NXPH1: variants seen among roughly 807,000 people sequenced by gnomAD.
The protein encoded by NXPH1 is neurexophilin-1.
Under a neutral mutation model 23.7 loss-of-function variants are expected in NXPH1, and 5 were observed. The ratio of observed to expected loss-of-function variants is 0.21; its 90% CI spans 0.11 to 0.44. NXPH1 has a LOEUF of 0.44. Among genes scored for constraint, NXPH1 ranks in the 20% least tolerant of loss-of-function variants. The probability of loss-of-function intolerance (pLI) is 0.99; values close to 1 mark genes in which losing one functional copy is unlikely to be tolerated. For missense variants in NXPH1, 324 were observed against 321.6 expected (o/e 1.01, Z -0.06); for synonymous variants, 144 against 122.2 (o/e 1.18, Z -1.18).
intron 2 of NXPH1, among the ~76,000 whole-genome samples, chr7:8,626,081 G>A (rs547869168): frequency 5.3e-5 from 8 of 152,084 alleles, no homozygotes; most frequent in Non-Finnish European, 1.5e-5. Context: ...TCATATGTTG[G>A]GAAGACCCAT....
chr7:8,725,271 C>T (rs1425906603), intron 2 of NXPH1, among the ~76,000 whole-genome samples: 1 of 152,154 alleles, frequency 6.6e-6, no homozygotes, highest in African/African-American at 2.4e-5. Context: ...AGGCAGATCA[C>T]TTGAGGCCAG....
At chr7:8,737,677 C>G (rs112045017) in intron 2 of NXPH1, among the ~76,000 whole-genome samples, 6,494 of 152,246 alleles carry the variant, frequency 0.043, 191 homozygotes, top group South Asian at 0.08. Flanking sequence ...GAATGTTGAC[C>G]TGTCTTGCTA....
chr7:8,436,170 C>T (rs1816189971), intron 2 of NXPH1, among the ~76,000 whole-genome samples: 1 of 152,050 alleles, frequency 6.6e-6, no homozygotes, highest in Non-Finnish European at 1.5e-5. Context: ...CAAATCTGCC[C>T]AGGTCTGTGA....
intron 2 of NXPH1, among the ~76,000 whole-genome samples, chr7:8,738,893 C>G (rs1429689684): frequency 4.6e-5 from 7 of 152,038 alleles, no homozygotes; most frequent in Non-Finnish European, 7.4e-5. Flanking sequence ...TTCACCCAAT[C>G]CGAACTTCCC....
At position 8,708,782 on chromosome 7, in the gene NXPH1, A is replaced by G. The variant is rs545984380; in HGVS notation, c.55-42226A>G. 1.3e-4 allele frequency among the ~76,000 whole-genome samples: 20 copies of G among 152,312 alleles called. No individual in the cohort carries two copies. The South Asian group carries it at 2.7e-3, about 21-fold the overall frequency. On this transcript the variant is annotated intron_variant, in intron 2 of 2. Coordinates refer to ENST00000405863, the MANE Select transcript of NXPH1 (RefSeq NM_152745.3). ...ATGCTATAAGGAAATTATGAAATTC[A>G]CTTTTGATGGATTGTTAGCAAGAAC...
rs1357605192 is a variant in NXPH1, at chr7:8,546,619, C to T, written c.54+110852C>T. On this transcript the variant is annotated intron_variant, in intron 2 of 2. Coordinates refer to ENST00000405863, the MANE Select transcript of NXPH1 (RefSeq NM_152745.3). ...TGATACTCATTAAAAGTTCTCAAAC[C>T]ACTAACTTAGGTTGCAGGAACCTAA... is the stretch of plus-strand genomic sequence containing the variant. Among the ~76,000 whole-genome samples the T allele has an allele frequency of 4.6e-5, 7 of 151,396 alleles. No homozygotes were observed. In the East Asian group the frequency reaches 7.8e-4, roughly 17 times the overall value.
chr7:8,688,617 G>T (rs1317521841), intron 2 of NXPH1, among the ~76,000 whole-genome samples: 1 of 152,164 alleles, frequency 6.6e-6, no homozygotes, highest in Non-Finnish European at 1.5e-5. Context: ...TTTTAGCTTA[G>T]TGTGTTGTAT....
intron 2 of NXPH1, among the ~76,000 whole-genome samples, chr7:8,647,941 C>T (rs531418686): frequency 1.3e-5 from 2 of 152,008 alleles, no homozygotes; most frequent in Non-Finnish European, 2.9e-5. Context: ...TAATGTGTTT[C>T]TATCTTAATT....
chr7:8,470,471 A>G (rs867791568), intron 2 of NXPH1, among the ~76,000 whole-genome samples: 8 of 152,178 alleles, frequency 5.3e-5, no homozygotes, highest in South Asian at 2.1e-4. Flanking sequence ...TCAGAAATTC[A>G]TATTTTGCTT....
At chr7:8,642,549 A>G (rs75580696) in intron 2 of NXPH1, among the ~76,000 whole-genome samples, 7,201 of 152,258 alleles carry the variant, frequency 0.047, 378 homozygotes, top group East Asian at 0.17. Context: ...CCAAAAATAT[A>G]TAAAAAATAC....
chr7:8,575,953 A>G (rs1236780638), intron 2 of NXPH1, among the ~76,000 whole-genome samples: 1 of 152,114 alleles, frequency 6.6e-6, no homozygotes, highest in Non-Finnish European at 1.5e-5. Context: ...AAGAACTGCT[A>G]TCAACAAACT....
intron 2 of NXPH1, among the ~76,000 whole-genome samples, chr7:8,459,224 T>G (rs2128606556): frequency 6.6e-6 from 1 of 152,268 alleles, no homozygotes; most frequent in Non-Finnish European, 1.5e-5. Flanking sequence ...ATAAAATTAT[T>G]CATTTTTACC....
At position 8,660,956 on chromosome 7, in the gene NXPH1, C is replaced by CTTT. The variant is rs78990589; in HGVS notation, c.55-90041_55-90039dup. ...AGAGGACATAATTTTTATATCATTC[C>CTTT]TTTTTTTTTTTTTAAAGTAAGTGGC... On this transcript the variant is annotated intron_variant, in intron 2 of 2. Coordinates refer to ENST00000405863, the MANE Select transcript of NXPH1 (RefSeq NM_152745.3). Among the ~76,000 whole-genome samples, 14 of 139,520 alleles carry CTTT rather than the reference C, an allele frequency of 1.0e-4. No homozygotes were observed. The East Asian group carries it at 1.0e-3, about 10-fold the overall frequency. 91.5% of individuals were successfully genotyped at this position (139,520 alleles called of 152,430 possible).
chr7:8,438,709 G>A (rs1287857871), intron 2 of NXPH1, among the ~76,000 whole-genome samples: 5 of 152,156 alleles, frequency 3.3e-5, no homozygotes, highest in Admixed American at 6.5e-5. Context: ...AACTTCTTAT[G>A]AAAACTCTGC....
intron 2 of NXPH1, among the ~76,000 whole-genome samples, chr7:8,543,964 G>A (rs1050361772): frequency 5.9e-5 from 9 of 151,478 alleles, no homozygotes; most frequent in African/African-American, 9.7e-5. Flanking sequence ...TTTTCTGGAG[G>A]CAATTGAGGG....
chr7:8,457,703 C>G (rs1816623705), intron 2 of NXPH1, among the ~76,000 whole-genome samples: 1 of 152,050 alleles, frequency 6.6e-6, no homozygotes, highest in South Asian at 2.1e-4. Context: ...GTGCTCAGTT[C>G]CTGGCTCACC....
chr7:8,527,200 T>C (rs2128616763), intron 2 of NXPH1, among the ~76,000 whole-genome samples: 1 of 152,330 alleles, frequency 6.6e-6, no homozygotes, highest in African/African-American at 2.4e-5. Flanking sequence ...GGCCGCTTCC[T>C]ATTATGTGGA....
chr7:8,479,200 G>A (rs982210271), intron 2 of NXPH1, among the ~76,000 whole-genome samples: 1 of 151,990 alleles, frequency 6.6e-6, no homozygotes, highest in African/African-American at 2.4e-5. Flanking sequence ...ATGAATATAA[G>A]GAATAATTTA....
intron 2 of NXPH1, among the ~76,000 whole-genome samples, chr7:8,549,626 T>C (rs1462215184): frequency 1.3e-5 from 2 of 151,564 alleles, no homozygotes; most frequent in South Asian, 2.1e-4. Context: ...TTTTTGGAAT[T>C]TTGTAAAGAT....
Sources: allele counts gnomAD v4.1 joint callset (sites outside exome capture counted in the v4.1 genomes callset), GRCh38; gene constraint gnomAD v4.1.1; transcripts MANE v1.5; gene names NCBI Gene and HGNC (gene_info 2026-07-23, HGNC 2026-07-21).